Variants in TMEM178B observed in about 807,000 individuals in gnomAD.
TMEM178B encodes transmembrane protein 178B.
TMEM178B carries 5 observed loss-of-function variants against 31.0 expected under a neutral mutation model. The ratio of observed to expected loss-of-function variants is 0.16; its 90% CI spans 0.08 to 0.34. The LOEUF (loss-of-function observed/expected upper bound fraction) is 0.34, where lower values mean the gene tolerates loss of function less well. TMEM178B is among the 10% of genes least tolerant of loss of function. The pLI is 1.00. For synonymous variants in TMEM178B, 164 were observed against 164.0 expected, an observed-to-expected ratio of 1.00 and a Z score of 0.00; for missense variants, 275 against 400.3, an observed-to-expected ratio of 0.69 and a Z score of 2.67.
At chr7:141,092,850 A>G (rs117891760) in intron 1 of TMEM178B, among the ~76,000 whole-genome samples, 489 of 152,300 alleles carry the variant, frequency 3.2e-3, no homozygotes, top group Non-Finnish European at 5.8e-3. Context: ...CATTTGAGTC[A>G]AGGTCTGAAG....
intron 2 of TMEM178B, among the ~76,000 whole-genome samples, chr7:141,229,102 T>TGTGTGTGTG (rs1797396377): frequency 8.1e-6 from 1 of 123,976 alleles, no homozygotes; most frequent in Non-Finnish European, 1.7e-5. Flanking sequence ...GTGTGTGTGG[T>TGTGTGTGTG]GTGTGTGTGT....
chr7:141,232,057 G>C (rs112543273), intron 2 of TMEM178B, among the ~76,000 whole-genome samples: 1 of 152,116 alleles, frequency 6.6e-6, no homozygotes, highest in East Asian at 1.9e-4. Context: ...GAGAACATGC[G>C]GTGTTTGGTT....
chr7:141,293,778 T>C (rs1798586392), intron 2 of TMEM178B, among the ~76,000 whole-genome samples: 2 of 152,202 alleles, frequency 1.3e-5, no homozygotes, highest in Non-Finnish European at 2.9e-5. Context: ...TTATGTGTAA[T>C]GCTTGTCAGG....
At chr7:141,288,654 T>G (rs928288001) in intron 2 of TMEM178B, among the ~76,000 whole-genome samples, 2 of 152,160 alleles carry the variant, frequency 1.3e-5, no homozygotes, top group African/African-American at 2.4e-5. Context: ...CTTTCCTTGG[T>G]CCTTTGCAGA....
At position 141,259,639 on chromosome 7, in the gene TMEM178B, C is replaced by G. The variant is rs142964114; in HGVS notation, c.496+46935C>G. On this transcript the variant is annotated intron_variant, in intron 2 of 3. Coordinates refer to ENST00000565468, the MANE Select transcript of TMEM178B (RefSeq NM_001195278.2). ...CTTGTCTGGGCTAAGTAAAATCTGT[C>G]TCCCCGACAATACGTAGCTACTAAT... 6.6e-3 allele frequency among the ~76,000 whole-genome samples: 1,005 copies of G among 152,292 alleles called. 2 individuals are homozygous for G. Among genetic ancestry groups the G allele is most frequent in the Middle Eastern group, 0.014 (4 of 294 alleles).
intron 1 of TMEM178B, among the ~76,000 whole-genome samples, chr7:141,090,104 G>A (rs962083543): frequency 3.3e-5 from 5 of 151,974 alleles, no homozygotes; most frequent in Non-Finnish European, 7.4e-5. Context: ...AGCATACTTG[G>A]ATACAGAGAA....
intron 2 of TMEM178B, among the ~76,000 whole-genome samples, chr7:141,425,272 T>G (rs889238692): frequency 6.6e-6 from 1 of 152,148 alleles, no homozygotes; most frequent in African/African-American, 2.4e-5. Flanking sequence ...AGGGTACCCA[T>G]GTGTTTTAAA....
At chr7:141,428,007 G>T (rs1427563206) in intron 2 of TMEM178B, among the ~76,000 whole-genome samples, 1 of 152,150 alleles carries the variant, frequency 6.6e-6, no homozygotes, top group Non-Finnish European at 1.5e-5. Context: ...AGAGCAGGTA[G>T]TTAGGTAGAC....
At chr7:141,214,135 C>G (rs773596318) in intron 2 of TMEM178B, among the ~76,000 whole-genome samples, 11 of 152,220 alleles carry the variant, frequency 7.2e-5, no homozygotes, top group Non-Finnish European at 1.5e-4. Flanking sequence ...TATACAATAG[C>G]TGCTTATTTC....
chr7:141,462,512 C>G (rs1171058305), intron 3 of TMEM178B, among the ~76,000 whole-genome samples: 1 of 151,484 alleles, frequency 6.6e-6, no homozygotes, highest in African/African-American at 2.4e-5. Flanking sequence ...GCTGGAAAGA[C>G]CAGTGGAGGG....
chr7:141,279,146 C>T (rs1055683084), intron 2 of TMEM178B, among the ~76,000 whole-genome samples: 4 of 152,084 alleles, frequency 2.6e-5, no homozygotes, highest in African/African-American at 9.7e-5. Context: ...AGAGAACTTC[C>T]TAGGTGAGTA....
At chr7:141,335,208 A>G (rs1196315668) in intron 2 of TMEM178B, among the ~76,000 whole-genome samples, 3 of 152,180 alleles carry the variant, frequency 2.0e-5, no homozygotes, top group African/African-American at 7.2e-5. Flanking sequence ...AGAAGGAACA[A>G]GCAGCACTGT....
chr7:141,203,457 G>A (rs555963220), intron 1 of TMEM178B, among the ~76,000 whole-genome samples: 22 of 152,302 alleles, frequency 1.4e-4, no homozygotes, highest in Admixed American at 1.2e-3. Context: ...GTGGAAAGGT[G>A]AGCAACATAT....
intron 3 of TMEM178B, among the ~76,000 whole-genome samples, chr7:141,459,946 GA>G (rs772210040): frequency 0.27 from 32,089 of 116,842 alleles, 3,564 homozygotes; most frequent in East Asian, 0.34. Flanking sequence ...AATAGATGGA[GA>G]AAAAAAAAAA....
intron 3 of TMEM178B, among the ~76,000 whole-genome samples, chr7:141,441,895 G>A (rs537862331): frequency 7.9e-5 from 12 of 152,280 alleles, no homozygotes; most frequent in Admixed American, 2.0e-4. Flanking sequence ...GCTCAGCCCC[G>A]AGGAGATGAT....
At chr7:141,216,940 G>A (rs571351721) in intron 2 of TMEM178B, among the ~76,000 whole-genome samples, 1 of 152,230 alleles carries the variant, frequency 6.6e-6, no homozygotes, top group African/African-American at 2.4e-5. Context: ...CTGCCTCCAG[G>A]ACACAGCGGG....
intron 2 of TMEM178B, among the ~76,000 whole-genome samples, chr7:141,218,633 T>G (rs371030759): frequency 9.2e-5 from 14 of 152,144 alleles, no homozygotes; most frequent in African/African-American, 1.4e-4. Flanking sequence ...TTATGTTTCT[T>G]GGCTAAGCCC....
At chr7:141,435,532 C>T (rs112677702) in intron 2 of TMEM178B, among the ~76,000 whole-genome samples, 9 of 152,274 alleles carry the variant, frequency 5.9e-5, no homozygotes, top group African/African-American at 1.9e-4. Flanking sequence ...GTGGGGAAAG[C>T]AGGGACTAAG....
chr7:141,184,415 A>C (rs1270497134), intron 1 of TMEM178B, among the ~76,000 whole-genome samples: 1 of 151,984 alleles, frequency 6.6e-6, no homozygotes, highest in Non-Finnish European at 1.5e-5. Flanking sequence ...GTGTTTCTAA[A>C]TGCTCTTGAC....
Sources: gnomAD v4.1 joint callset for allele counts (sites outside exome capture counted in the v4.1 genomes callset) on GRCh38, gnomAD v4.1.1 for gene constraint, MANE v1.5 for transcripts, NCBI Gene and HGNC (gene_info 2026-07-23, HGNC 2026-07-21) for gene names.